Variants in NGEF observed in about 807,000 individuals in gnomAD.
The protein encoded by NGEF is ephexin-1.
A neutral mutation model predicts 80.9 loss-of-function variants in NGEF; 31 were observed. That is an observed-to-expected ratio of 0.38 (90% CI 0.29 to 0.52). The LOEUF is 0.52. Among genes scored for constraint, NGEF ranks in the 20% least tolerant of loss-of-function variants. NGEF has a pLI of 0.84. For missense variants in NGEF, 709 were observed against 926.2 expected, an observed-to-expected ratio of 0.77 and a Z score of 3.04; for synonymous variants, 371 against 370.2, an observed-to-expected ratio of 1.00 and a Z score of -0.03.
intron 1 of NGEF, 184 bp downstream of exon 1, chr2:233,012,884 T>G: frequency 2.1e-6 from 1 of 471,138 alleles, no homozygotes; most frequent in Non-Finnish European, 4.4e-6. Context: ...GGGGCAGTGC[T>G]GAAGCCGAGA....
chr2:232,918,772 G>A (rs1190240984), intron 5 of NGEF, among the ~76,000 whole-genome samples: 1 of 151,836 alleles, frequency 6.6e-6, no homozygotes, highest in Non-Finnish European at 1.5e-5. Flanking sequence ...GGGATTACAG[G>A]CGCCTGCCAC....
In NGEF at chr2:232,927,177, G is replaced by T; in HGVS notation, c.393C>A (p.Ser131=). 6.3e-7 allele frequency: 1 copy of T among 1,593,098 alleles called. No homozygotes were observed. ...GCGTGGCCCCATTTCCCGGGGTGGA[G>T]GACGACTCACTGCCAGAGAGGGAGG... ...DPGAQEMSES[S]STPGNGATPE... Residue 131 remains serine (S), a synonymous_variant, in exon 4 of 15, where the codon TCC becomes TCA. Transcript: ENST00000264051.
At chr2:232,979,538 A>G (rs1235743463) in intron 1 of NGEF, among the ~76,000 whole-genome samples, 1 of 152,124 alleles carries the variant, frequency 6.6e-6, no homozygotes, top group Admixed American at 6.5e-5. Flanking sequence ...GAAAACCCAG[A>G]AGCTTCCCCC....
rs116143654 is a variant in NGEF, at chr2:232,879,105, A to G, written c.*384T>C. On this transcript the variant is annotated 3_prime_UTR_variant, in exon 15 of 15. Coordinates refer to ENST00000264051, the MANE Select transcript of NGEF (RefSeq NM_019850.3). ...AGGACGCGTGCAGGAAATCGTGTCA[A>G]TTGTCACCTTCTGCCTGCCTCCCAC... The G allele has an allele frequency of 0.011, 1,939 of 174,208 alleles. 40 individuals are homozygous for G. Among genetic ancestry groups the G allele is most frequent in the African/African-American group, 0.042 (1,784 of 42,458 alleles). 10.8% of individuals were successfully genotyped at this position (174,208 alleles called of 1,614,324 possible).
chr2:232,932,671 C>T (rs1193107344), intron 3 of NGEF, among the ~76,000 whole-genome samples: 3 of 152,132 alleles, frequency 2.0e-5, no homozygotes, highest in Non-Finnish European at 4.4e-5. Flanking sequence ...TTCTCCCAGT[C>T]TGGAGGCTGG....
intron 5 of NGEF, chr2:232,901,365 C>T (rs1420705515): frequency 5.1e-6 from 5 of 985,414 alleles, no homozygotes; most frequent in Non-Finnish European, 6.0e-6. Context: ...TCTTTACCTA[C>T]ACGGTCTCCT....
At chr2:232,880,770 A>ACAGGTCAGGGT (rs1553543265) in intron 14 of NGEF, among the ~76,000 whole-genome samples, 43 of 150,744 alleles carry the variant, frequency 2.9e-4, no homozygotes, top group African/African-American at 9.8e-4. Flanking sequence ...AGCTGCAAGT[A>ACAGGTCAGGGT]CAGGTCTGGG....
At chr2:232,902,146 C>G (rs905801200) in intron 5 of NGEF, among the ~76,000 whole-genome samples, 1 of 152,256 alleles carries the variant, frequency 6.6e-6, no homozygotes, top group Non-Finnish European at 1.5e-5. Flanking sequence ...TTCACATCCT[C>G]TGTTCCCCAG....
intron 1 of NGEF, among the ~76,000 whole-genome samples, chr2:233,007,046 C>G (rs1275082627): frequency 6.6e-6 from 1 of 152,106 alleles, no homozygotes; most frequent in African/African-American, 2.4e-5. Flanking sequence ...GAGTTCGAGA[C>G]CAGCCTGGTC....
At chr2:232,899,608 A>ACACACACATGCT (rs1692211500) in intron 5 of NGEF, among the ~76,000 whole-genome samples, 1 of 102,168 alleles carries the variant, frequency 9.8e-6, no homozygotes, top group African/African-American at 2.9e-5. Flanking sequence ...ACTCACATTC[A>ACACACACATGCT]CTCACACACA....
intron 1 of NGEF, among the ~76,000 whole-genome samples, chr2:232,986,335 T>C (rs565282554): frequency 6.6e-6 from 1 of 152,292 alleles, no homozygotes; most frequent in African/African-American, 2.4e-5. Flanking sequence ...AGAACTACCA[T>C]GTGACCCAGC....
chr2:232,918,781 AC>A (rs1017652222), intron 5 of NGEF, among the ~76,000 whole-genome samples: 4 of 151,884 alleles, frequency 2.6e-5, no homozygotes, highest in Admixed American at 2.6e-4. Flanking sequence ...GGCGCCTGCC[AC>A]AGTGCCCAGC....
At chr2:233,003,312 A>G (rs1695018717) in intron 1 of NGEF, among the ~76,000 whole-genome samples, 1 of 152,148 alleles carries the variant, frequency 6.6e-6, no homozygotes, top group South Asian at 2.1e-4. Context: ...CCAGACCCAC[A>G]GCAGCGCGGG....
chr2:232,981,995 G>C (rs892675692), intron 1 of NGEF, among the ~76,000 whole-genome samples: 6 of 152,186 alleles, frequency 3.9e-5, no homozygotes, highest in Non-Finnish European at 7.4e-5. Context: ...AAGGGAGAGG[G>C]AAGTGGCAGA....
intron 3 of NGEF, among the ~76,000 whole-genome samples, chr2:232,962,498 G>A (rs893794489): frequency 7.9e-5 from 12 of 152,052 alleles, no homozygotes; most frequent in South Asian, 2.1e-4. Context: ...GAAGGGGGCC[G>A]AGATGGCACC....
intron 14 of NGEF, 23 bp downstream of exon 14, chr2:232,881,123 G>A (rs749625029): frequency 2.2e-5 from 35 of 1,600,756 alleles, no homozygotes; most frequent in Admixed American, 3.3e-5. Flanking sequence ...TGGGGGCCCC[G>A]AGGGGAGGTC....
chr2:232,909,009 C>CCGTAACTGGTAGATAA, intron 5 of NGEF, among the ~76,000 whole-genome samples: 1 of 152,238 alleles, frequency 6.6e-6, no homozygotes, highest in Admixed American at 6.5e-5. Flanking sequence ...AAGTAGGAAA[C>CCGTAACTGGTAGATAA]CGTAACTGGT....
At chr2:232,992,188 T>A (rs1694664075) in intron 1 of NGEF, among the ~76,000 whole-genome samples, 1 of 152,176 alleles carries the variant, frequency 6.6e-6, no homozygotes, top group Non-Finnish European at 1.5e-5. Context: ...TGACACCAGC[T>A]GCACAAGCAA....
chr2:232,944,752 T>TATATATATATAC (rs1693518527), intron 3 of NGEF, among the ~76,000 whole-genome samples: 1 of 125,564 alleles, frequency 8.0e-6, no homozygotes, highest in Non-Finnish European at 1.7e-5. Context: ...TATATATATA[T>TATATATATATAC]ATATATATAT....
Sources: allele counts gnomAD v4.1 joint callset (sites outside exome capture counted in the v4.1 genomes callset), GRCh38; gene constraint gnomAD v4.1.1; transcripts MANE v1.5; gene names NCBI Gene and HGNC (gene_info 2026-07-23, HGNC 2026-07-21).